Variants in SOAT1 observed in about 807,000 individuals in gnomAD.
The protein encoded by SOAT1 is sterol O-acyltransferase 1.
A neutral mutation model predicts 69.5 loss-of-function variants in SOAT1; 55 were observed. The ratio of observed to expected loss-of-function variants is 0.79; its 90% CI spans 0.64 to 0.99. The LOEUF is 0.99. Ranked by LOEUF, SOAT1 falls within the 50% of genes least tolerant of loss-of-function variation. The pLI is 0.00. For missense variants in SOAT1, 580 were observed against 669.3 expected, an observed-to-expected ratio of 0.87 and a Z score of 1.47; for synonymous variants, 231 against 224.7, an observed-to-expected ratio of 1.03 and a Z score of -0.25.
chr1:179,304,470 A>C (rs940009271), intron 2 of SOAT1, among the ~76,000 whole-genome samples: 1 of 151,224 alleles, frequency 6.6e-6, no homozygotes, highest in Non-Finnish European at 1.5e-5. Flanking sequence ...TAGAGATGGG[A>C]TTTTACTATG....
chr1:179,336,467 C>G (rs1400784420), intron 4 of SOAT1, among the ~76,000 whole-genome samples: 5 of 80,852 alleles, frequency 6.2e-5, no homozygotes, highest in Non-Finnish European at 6.9e-5. Context: ...GAGACCCTGT[C>G]TCCAAAAAAA....
At chr1:179,332,358 A>T (rs951585331) in intron 3 of SOAT1, among the ~76,000 whole-genome samples, 5 of 152,152 alleles carry the variant, frequency 3.3e-5, no homozygotes, top group Admixed American at 2.6e-4. Flanking sequence ...GATCATTATC[A>T]TCTGTTCCTT....
At chr1:179,346,998 A>T (rs944443157) in intron 11 of SOAT1, among the ~76,000 whole-genome samples, 3 of 152,022 alleles carry the variant, frequency 2.0e-5, no homozygotes, top group Admixed American at 2.0e-4. Flanking sequence ...AGAGGGGGGT[A>T]TGGGGGCCAG....
chr1:179,297,234 C>T (rs752726769), intron 1 of SOAT1, among the ~76,000 whole-genome samples: 3 of 152,304 alleles, frequency 2.0e-5, no homozygotes, highest in Middle Eastern at 3.4e-3. Context: ...AACTTACTGG[C>T]GGTGTACTCC....
At chr1:179,316,551 C>A (rs968113532) in intron 2 of SOAT1, among the ~76,000 whole-genome samples, 1 of 152,150 alleles carries the variant, frequency 6.6e-6, no homozygotes, top group Non-Finnish European at 1.5e-5. Flanking sequence ...CATGTGCCAC[C>A]ACGCCAGCTA....
intron 4 of SOAT1, among the ~76,000 whole-genome samples, chr1:179,336,152 CAAA>C (rs35876000): frequency 1.5e-4 from 17 of 110,428 alleles, no homozygotes; most frequent in Non-Finnish European, 1.9e-4. Flanking sequence ...ACTCTGTCTC[CAAA>C]AAAAAAAAAA....
intron 7 of SOAT1, among the ~76,000 whole-genome samples, chr1:179,341,603 C>T (rs12023125): frequency 0.26 from 39,092 of 150,298 alleles, 5,236 homozygotes; most frequent in East Asian, 0.46. Flanking sequence ...GGCACCATCT[C>T]GGCTCACTGC....
chr1:179,300,161 G>T, intron 1 of SOAT1, among the ~76,000 whole-genome samples: 1 of 150,838 alleles, frequency 6.6e-6, no homozygotes, highest in Admixed American at 6.6e-5. Context: ...AAAAGTCTCT[G>T]TTCATCTGGC....
intron 10 of SOAT1, among the ~76,000 whole-genome samples, chr1:179,344,477 C>T (rs994736768): frequency 1.5e-4 from 22 of 148,220 alleles, no homozygotes; most frequent in Admixed American, 3.4e-4. Context: ...TGTGTTCAAA[C>T]GATTCTCCTG....
chr1:179,314,735 GT>G (rs1004936938), intron 2 of SOAT1, among the ~76,000 whole-genome samples: 2 of 151,624 alleles, frequency 1.3e-5, no homozygotes, highest in Non-Finnish European at 2.9e-5. Context: ...GGAGTCTGGT[GT>G]TTTTTTTAGG....
intron 3 of SOAT1, among the ~76,000 whole-genome samples, chr1:179,332,765 G>C (rs1666014523): frequency 6.6e-6 from 1 of 152,122 alleles, no homozygotes; most frequent in Non-Finnish European, 1.5e-5. Context: ...TAATTAACAA[G>C]TTTCATGTGA....
intron 3 of SOAT1, 116 bp from the exon 4 acceptor site, chr1:179,335,390 A>G (rs1005268315): frequency 7.8e-5 from 69 of 882,958 alleles, no homozygotes; most frequent in Non-Finnish European, 1.0e-4. Context: ...TACTCCTGCG[A>G]ACTCACTATG....
At chr1:179,313,480 T>C (rs924755787) in intron 2 of SOAT1, among the ~76,000 whole-genome samples, 3 of 151,826 alleles carry the variant, frequency 2.0e-5, no homozygotes, top group Non-Finnish European at 4.4e-5. Flanking sequence ...AAATTACACA[T>C]GGTGATTCAC....
intron 3 of SOAT1, among the ~76,000 whole-genome samples, chr1:179,325,855 C>A (rs1225295484): frequency 6.6e-6 from 1 of 152,124 alleles, no homozygotes; most frequent in Non-Finnish European, 1.5e-5. Flanking sequence ...TTGTACTTGT[C>A]TGCTTTATAT....
chr1:179,308,318 A>G (rs950691241), intron 2 of SOAT1, among the ~76,000 whole-genome samples: 1 of 152,178 alleles, frequency 6.6e-6, no homozygotes, highest in Non-Finnish European at 1.5e-5. Flanking sequence ...CAGCCTACAC[A>G]GTTGATACAG....
In SOAT1 at chr1:179,355,900, G is replaced by A. The variant is rs1027050483; in HGVS notation, c.*2259G>A. On this transcript the variant is annotated 3_prime_UTR_variant, in exon 16 of 16. Transcript: ENST00000367619. ...CAACAAATATGTAGAACTACAGACT[G>A]TTTAGAATGCTGAGACTGTTCTAAG... The A allele has an allele frequency of 6.6e-6, 1 of 152,180 alleles. No homozygotes were observed. The highest frequency in any genetic ancestry group is 2.4e-5 in the African/African-American group (1 of 41,436). 9.4% of individuals were successfully genotyped at this position (152,180 alleles called of 1,614,324 possible).
Position 179,347,357 on chromosome 1 carries a change from C to CAAAA in SOAT1, c.1118-240_1118-237dup, listed in dbSNP as rs139261243. On this transcript the variant is annotated intron_variant, in intron 11 of 15. Transcript: ENST00000367619. ...TGGGTGACAGAGCAGGACTCTGTCT[C>CAAAA]AAAAAAGAAAAAAAAAAACCAGACT... Among the ~76,000 whole-genome samples, 40 of 129,160 alleles carry CAAAA rather than the reference C, an allele frequency of 3.1e-4. 5 individuals are homozygous for CAAAA. The highest frequency in any genetic ancestry group is 3.8e-3 in the Middle Eastern group (1 of 260). 84.7% of individuals were successfully genotyped at this position (129,160 alleles called of 152,430 possible).
chr1:179,356,716 A>G lies in SOAT1; in HGVS notation c.*3075A>G, dbSNP rs1666920453. The stretch of plus-strand genomic sequence containing the variant: ...TCATACTTTGTTTTTGTTTTTAAAG[A>G]GACAGGGTCTCACTCTGTTGCCCAG... On this transcript the variant is annotated 3_prime_UTR_variant, in exon 16 of 16. Transcript: ENST00000367619. The G allele has an allele frequency of 6.6e-6, 1 of 152,056 alleles. No individual in the cohort carries two copies. Among genetic ancestry groups the G allele is most frequent in the African/African-American group, 2.4e-5 (1 of 41,376 alleles). 9.4% of individuals were successfully genotyped at this position (152,056 alleles called of 1,614,324 possible). A position where few individuals can be genotyped will look rare whatever the true frequency, so the allele number is the denominator to read the frequency against.
chr1:179,304,205 A>C (rs1357615933), intron 2 of SOAT1, among the ~76,000 whole-genome samples: 1 of 151,850 alleles, frequency 6.6e-6, no homozygotes, highest in Non-Finnish European at 1.5e-5. Flanking sequence ...GTGCTTTGGG[A>C]GTAATCCCAA....
Sources: gnomAD v4.1 joint callset for allele counts (sites outside exome capture counted in the v4.1 genomes callset) on GRCh38, gnomAD v4.1.1 for gene constraint, MANE v1.5 for transcripts, NCBI Gene and HGNC (gene_info 2026-07-23, HGNC 2026-07-21) for gene names.